The following UNC79 variants were observed in gnomAD, a reference collection of about 807,000 sequenced individuals.
The protein encoded by UNC79 is protein unc-79 homolog.
Under a neutral mutation model 283.1 loss-of-function variants are expected in UNC79, and 37 were observed. The observed-to-expected ratio is 0.13, with a 90% CI of 0.10 to 0.17. UNC79 has a LOEUF of 0.17. Among genes scored for constraint, UNC79 ranks in the 10% least tolerant of loss-of-function variants. UNC79 has a pLI of 1.00. For synonymous variants in UNC79, 1,107 were observed against 1,200.2 expected, an observed-to-expected ratio of 0.92 and a Z score of 1.61; for missense variants, 2,272 against 3,211.1, an observed-to-expected ratio of 0.71 and a Z score of 7.07.
chr14:93,476,257 G>T (rs557087398), intron 3 of UNC79, among the ~76,000 whole-genome samples: 4 of 152,188 alleles, frequency 2.6e-5, no homozygotes, highest in Non-Finnish European at 5.9e-5. Context: ...CAACGGTTTT[G>T]TCGCAGTTCA....
At chr14:93,618,228 C>T (rs1280564970) in exon 29 of UNC79, 1 of 1,613,816 alleles carries the variant, frequency 6.2e-7, no homozygotes, top group Admixed American at 1.7e-5. Flanking sequence ...CAAGATCCTG[C>T]TGCATCTGAT....
intron 30 of UNC79, among the ~76,000 whole-genome samples, chr14:93,627,019 C>T: frequency 6.6e-6 from 1 of 152,098 alleles, no homozygotes; most frequent in East Asian, 1.9e-4. Context: ...TGTGAATAGC[C>T]ACAGCACTCC....
chr14:93,693,630 C>T (rs577878910), intron 46 of UNC79, among the ~76,000 whole-genome samples: 13 of 152,228 alleles, frequency 8.5e-5, no homozygotes, highest in Admixed American at 2.6e-4. Flanking sequence ...CATTGTCCCA[C>T]GGAGAATAAA....
At position 93,667,789 on chromosome 14, in the gene UNC79, C is replaced by T. The variant is rs1050465171; in HGVS notation, c.6636+5075C>T. ...TGCAAAACTTCTGAATGAATAATAG[C>T]AAATCAATCATTAAAAATAGGGCCT... On this transcript the variant is annotated intron_variant, in intron 40 of 48. Coordinates refer to ENST00000555664, the Ensembl canonical transcript of UNC79. Among the ~76,000 whole-genome samples the T allele has an allele frequency of 2.0e-5, 3 of 152,070 alleles. No homozygotes were observed. The East Asian group carries it at 5.8e-4, about 29-fold the overall frequency.
rs371280248 is a variant in UNC79 at position 93,417,642 on chromosome 14, G to A, written c.-350-50029G>A. On this transcript the variant is annotated intron_variant, in intron 1 of 49. Coordinates refer to the UNC79 transcript ENST00000256339. ...TTTCCAACTTGGTTCCATTCTCCCC[G>A]TCACTTTCAGGTACACCAATCAGAT... Among the ~76,000 whole-genome samples, 187 of 152,206 alleles carry A rather than the reference G, an allele frequency of 1.2e-3. 1 individual carries two copies. The highest frequency in any genetic ancestry group is 1.1e-3 in the Non-Finnish European group (76 of 68,014).
intron 1 of UNC79, among the ~76,000 whole-genome samples, chr14:93,454,177 G>A (rs1480853325): frequency 2.6e-5 from 4 of 151,614 alleles, no homozygotes; most frequent in Non-Finnish European, 5.9e-5. Flanking sequence ...CAAGTAGCTG[G>A]GACTACAGGT....
chr14:93,478,326 T>C (rs1164314351), intron 4 of UNC79, among the ~76,000 whole-genome samples: 1 of 152,216 alleles, frequency 6.6e-6, no homozygotes, highest in Non-Finnish European at 1.5e-5. Flanking sequence ...ATAAAACTGA[T>C]TTGAATCCTG....
chr14:93,434,619 G>A (rs900717867), intron 1 of UNC79, among the ~76,000 whole-genome samples: 5 of 152,126 alleles, frequency 3.3e-5, no homozygotes, highest in Non-Finnish European at 7.3e-5. Flanking sequence ...TCAGAGTTGG[G>A]GTTCTAGAAT....
chr14:93,451,573 C>T (rs371008532), intron 1 of UNC79, among the ~76,000 whole-genome samples: 9 of 152,152 alleles, frequency 5.9e-5, no homozygotes, highest in African/African-American at 1.4e-4. Context: ...GTCTCTCTTC[C>T]GGCAATGAAC....
intron 4 of UNC79, among the ~76,000 whole-genome samples, chr14:93,480,763 G>A (rs1480548762): frequency 6.6e-6 from 1 of 152,106 alleles, no homozygotes; most frequent in Non-Finnish European, 1.5e-5. Flanking sequence ...TTTTTTGGTA[G>A]TTGTTTTGGT....
At chr14:93,585,232 C>T (rs1019495937) in intron 20 of UNC79, among the ~76,000 whole-genome samples, 2 of 152,116 alleles carry the variant, frequency 1.3e-5, no homozygotes, top group East Asian at 3.9e-4. Flanking sequence ...CAGAGCCTCT[C>T]TCCTGCTTCT....
chr14:93,406,608 A>G (rs1009546482), intron 1 of UNC79, among the ~76,000 whole-genome samples: 8 of 152,110 alleles, frequency 5.3e-5, no homozygotes, highest in African/African-American at 1.9e-4. Context: ...ACAAGGAAAC[A>G]AGAAAATCTA....
At chr14:93,455,912 T>TTGTGTGTGTGTGTGTGTG (rs10654684) in intron 1 of UNC79, among the ~76,000 whole-genome samples, 17 of 144,128 alleles carry the variant, frequency 1.2e-4, no homozygotes, top group Non-Finnish European at 2.0e-4. Flanking sequence ...GTACAATGGA[T>TTGTGTGTGTGTGTGTGTG]TGTGTGTGTG....
chr14:93,432,898 T>C (rs952946418), intron 1 of UNC79, among the ~76,000 whole-genome samples: 12 of 152,246 alleles, frequency 7.9e-5, no homozygotes, highest in African/African-American at 2.9e-4. Context: ...GTGTTTTCTC[T>C]TCCTTGTTAC....
intron 41 of UNC79, among the ~76,000 whole-genome samples, chr14:93,681,235 C>T (rs1490888747): frequency 6.6e-6 from 1 of 152,188 alleles, no homozygotes; most frequent in Non-Finnish European, 1.5e-5. Context: ...CTCTTGGGGA[C>T]AGCTCTGCTT....
chr14:93,673,368 C>T (rs750799310), exon 41 of UNC79: 2 of 1,612,204 alleles, frequency 1.2e-6, no homozygotes, highest in East Asian at 4.5e-5. Context: ...ATAAATTCTA[C>T]TTGTCTCGTA....
chr14:93,427,652 A>G (rs1420245655), upstream of UNC79, among the ~76,000 whole-genome samples: 6 of 151,624 alleles, frequency 4.0e-5, no homozygotes, highest in Non-Finnish European at 8.8e-5. Flanking sequence ...AGTTTTAAGA[A>G]GCAGATTTTT....
At chr14:93,594,790 G>A (rs1424895741) in intron 23 of UNC79, among the ~76,000 whole-genome samples, 4 of 152,234 alleles carry the variant, frequency 2.6e-5, no homozygotes, top group African/African-American at 7.2e-5. Context: ...TCCATTCTCG[G>A]GGTAGCAGGC....
chr14:93,605,660 C>A (rs993838583), intron 26 of UNC79, among the ~76,000 whole-genome samples: 27 of 152,272 alleles, frequency 1.8e-4, no homozygotes, highest in African/African-American at 6.3e-4. Context: ...TGCTATAGAA[C>A]ATTTGAGTTT....
Sources: allele counts gnomAD v4.1 joint callset (sites outside exome capture counted in the v4.1 genomes callset), GRCh38; gene constraint gnomAD v4.1.1; transcripts MANE v1.5; gene names NCBI Gene and HGNC (gene_info 2026-07-23, HGNC 2026-07-21).